SLMAP: variants seen among roughly 807,000 people sequenced by gnomAD.
The protein encoded by SLMAP is sarcolemmal membrane-associated protein.
A neutral mutation model predicts 128.8 loss-of-function variants in SLMAP; 44 were observed. The observed-to-expected ratio is 0.34, with a 90% CI of 0.27 to 0.44. The LOEUF (loss-of-function observed/expected upper bound fraction) is 0.44, where lower values mean the gene tolerates loss of function less well. SLMAP is among the 20% of genes least tolerant of loss of function. SLMAP has a pLI of 1.00. For missense variants in SLMAP, 787 were observed against 985.3 expected, an observed-to-expected ratio of 0.80 and a Z score of 2.69; for synonymous variants, 327 against 348.8, an observed-to-expected ratio of 0.94 and a Z score of 0.70.
chr3:57,852,005 G>A (rs1033635595), intron 6 of SLMAP, among the ~76,000 whole-genome samples: 1 of 152,052 alleles, frequency 6.6e-6, no homozygotes, highest in African/African-American at 2.4e-5. Context: ...CCACTTCCCG[G>A]GTTCAAGCGA....
At chr3:57,899,745 C>G (rs2096327743) in intron 17 of SLMAP, 1 of 152,078 alleles carries the variant, frequency 6.6e-6, no homozygotes, top group African/African-American at 2.4e-5. Context: ...CTCTTTCTCT[C>G]TCTGTCTCTC....
chr3:57,893,701 G>T (rs2096158305), intron 15 of SLMAP, among the ~76,000 whole-genome samples: 1 of 152,036 alleles, frequency 6.6e-6, no homozygotes, highest in African/African-American at 2.4e-5. Context: ...TGTTCTTCCA[G>T]AGTGGTTCCT....
chr3:57,916,416 A>G (rs554848810), intron 21 of SLMAP, among the ~76,000 whole-genome samples: 53 of 152,216 alleles, frequency 3.5e-4, no homozygotes, highest in African/African-American at 1.3e-3. Context: ...TCAGCCTCCT[A>G]CTTCTTTGTC....
At chr3:57,794,876 T>A (rs1458878343) in intron 2 of SLMAP, among the ~76,000 whole-genome samples, 1 of 152,250 alleles carries the variant, frequency 6.6e-6, no homozygotes, top group African/African-American at 2.4e-5. Context: ...ATGAATAATG[T>A]CACTATGAAA....
intron 15 of SLMAP, 183 bp from the exon 16 acceptor site, chr3:57,896,328 C>T (rs2096243443): frequency 7.5e-6 from 10 of 1,335,844 alleles, no homozygotes; most frequent in Non-Finnish European, 9.6e-6. Flanking sequence ...ATATGAGCTA[C>T]GTGTAATAAC....
chr3:57,860,381 T>C (rs2094990836), intron 8 of SLMAP, among the ~76,000 whole-genome samples: 1 of 152,228 alleles, frequency 6.6e-6, no homozygotes, highest in Non-Finnish European at 1.5e-5. Context: ...TGATTATTTT[T>C]GCCTACAAAT....
intron 2 of SLMAP, among the ~76,000 whole-genome samples, chr3:57,819,117 A>G (rs2092249466): frequency 6.6e-6 from 1 of 152,194 alleles, no homozygotes; most frequent in African/African-American, 2.4e-5. Flanking sequence ...TTATTCACTT[A>G]TGGTCCCCAG....
At chr3:57,857,174 C>T (rs1216428680) in intron 6 of SLMAP, among the ~76,000 whole-genome samples, 2 of 152,054 alleles carry the variant, frequency 1.3e-5, no homozygotes, top group Non-Finnish European at 2.9e-5. Context: ...GACTTGTTTT[C>T]TATTATGGGA....
chr3:57,768,517 A>G (rs2080175817), intron 2 of SLMAP, among the ~76,000 whole-genome samples: 1 of 152,096 alleles, frequency 6.6e-6, no homozygotes, highest in African/African-American at 2.4e-5. Flanking sequence ...CCAGGATTTC[A>G]AGTTCAGCCT....
chr3:57,874,875 GC>G (rs1487770334), intron 14 of SLMAP, among the ~76,000 whole-genome samples: 1 of 149,682 alleles, frequency 6.7e-6, no homozygotes, highest in African/African-American at 2.5e-5. Context: ...AAAAAAAAAA[GC>G]TTTTTACTTT....
chr3:57,869,630 T>TTATTTATATA (rs1553900189), intron 13 of SLMAP, among the ~76,000 whole-genome samples: 2 of 75,474 alleles, frequency 2.6e-5, no homozygotes, highest in African/African-American at 1.0e-4. Flanking sequence ...CCCATCTCTA[T>TTATTTATATA]TATATATATA....
At chr3:57,811,645 T>A (rs892838286) in intron 2 of SLMAP, among the ~76,000 whole-genome samples, 3 of 152,176 alleles carry the variant, frequency 2.0e-5, no homozygotes, top group Admixed American at 6.5e-5. Flanking sequence ...TTTTTCAAAA[T>A]TTTTGAGGAA....
At chr3:57,886,654 G>T (rs2095896766) in intron 14 of SLMAP, among the ~76,000 whole-genome samples, 1 of 146,090 alleles carries the variant, frequency 6.8e-6, no homozygotes. Flanking sequence ...TATTAATAAT[G>T]AATTCCAGAG....
At chr3:57,851,335 A>G (rs974802044) in intron 6 of SLMAP, among the ~76,000 whole-genome samples, 6 of 148,172 alleles carry the variant, frequency 4.0e-5, no homozygotes, top group Non-Finnish European at 8.9e-5. Context: ...TTAAAAAGCA[A>G]ACAAGTGTTT....
intron 2 of SLMAP, among the ~76,000 whole-genome samples, chr3:57,796,173 C>T (rs1381502015): frequency 1.3e-5 from 2 of 152,170 alleles, no homozygotes; most frequent in Non-Finnish European, 2.9e-5. Flanking sequence ...ACCAATATAA[C>T]TATCAAAGGT....
intron 17 of SLMAP, among the ~76,000 whole-genome samples, chr3:57,902,850 T>C (rs1450054450): frequency 6.6e-6 from 1 of 152,174 alleles, no homozygotes; most frequent in Non-Finnish European, 1.5e-5. Context: ...ATGGCTATTG[T>C]CCCAGCATAA....
chr3:57,826,218 A>C (rs2092917287), intron 2 of SLMAP, among the ~76,000 whole-genome samples: 1 of 151,364 alleles, frequency 6.6e-6, no homozygotes, highest in South Asian at 2.1e-4. Context: ...TATAATTGTG[A>C]TTTATTTTGC....
At chr3:57,906,087 T>C (rs2096532085) in intron 17 of SLMAP, among the ~76,000 whole-genome samples, 2 of 146,260 alleles carry the variant, frequency 1.4e-5, no homozygotes, top group Non-Finnish European at 3.0e-5. Flanking sequence ...TTATCCTATA[T>C]AATGACAAAT....
chr3:57,831,345 A>C, intron 2 of SLMAP, 38 bp from the exon 3 acceptor site: 1 of 1,342,500 alleles, frequency 7.4e-7, no homozygotes, highest in Non-Finnish European at 9.9e-7. Context: ...TATTACTATT[A>C]ATATTTGGCC....
Sources: gnomAD v4.1 joint callset for allele counts (sites outside exome capture counted in the v4.1 genomes callset) on GRCh38, gnomAD v4.1.1 for gene constraint, MANE v1.5 for transcripts, NCBI Gene and HGNC (gene_info 2026-07-23, HGNC 2026-07-21) for gene names.